The following ITGA8 variants were observed in gnomAD, a reference collection of about 807,000 sequenced individuals.
The protein encoded by ITGA8 is integrin subunit alpha 8, also known as integrin alpha-8.
A neutral mutation model predicts 142.3 loss-of-function variants in ITGA8; 91 were observed. The observed-to-expected ratio is 0.64, with a 90% CI of 0.54 to 0.76. The LOEUF (loss-of-function observed/expected upper bound fraction) is 0.76, where lower values mean the gene tolerates loss of function less well. Ranked by LOEUF, ITGA8 falls within the 30% of genes least tolerant of loss-of-function variation. The pLI is 0.00. For missense variants in ITGA8, 1,406 were observed against 1,327.7 expected, an observed-to-expected ratio of 1.06 and a Z score of -0.92; for synonymous variants, 505 against 485.2, an observed-to-expected ratio of 1.04 and a Z score of -0.54.
chr10:15,666,613 G>T (rs1834398673), intron 8 of ITGA8, among the ~76,000 whole-genome samples: 2 of 152,296 alleles, frequency 1.3e-5, no homozygotes, highest in South Asian at 4.1e-4. Flanking sequence ...CAAAGGGAAT[G>T]CTTCCAGTTT....
intron 2 of ITGA8, among the ~76,000 whole-genome samples, chr10:15,712,609 AAAAAT>A (rs1433120449): frequency 4.6e-5 from 7 of 152,158 alleles, no homozygotes; most frequent in Non-Finnish European, 8.8e-5. Flanking sequence ...TCAAAAAAAT[AAAAAT>A]AAAATAAAAA....
intron 3 of ITGA8, among the ~76,000 whole-genome samples, chr10:15,687,599 C>T (rs1052636543): frequency 2.0e-5 from 3 of 152,096 alleles, no homozygotes; most frequent in African/African-American, 4.8e-5. Flanking sequence ...GGAATAGTCC[C>T]ATTTTTCTGG....
intron 26 of ITGA8, among the ~76,000 whole-genome samples, 171 bp from the exon 27 acceptor site, chr10:15,548,739 G>A (rs776422400): frequency 4.6e-5 from 7 of 152,122 alleles, no homozygotes; most frequent in Non-Finnish European, 8.8e-5. Flanking sequence ...GTTTAATGGC[G>A]AGGATGAATG....
At position 15,519,385 on chromosome 10, in the gene ITGA8, G is replaced by T. The variant is rs775843900; in HGVS notation, c.3010C>A (p.Pro1004Thr). 1.9e-6 allele frequency: 3 copies of T among 1,613,696 alleles called. No individual in the cohort carries two copies. The East Asian group carries it at 6.7e-5, about 36-fold the overall frequency. The change falls in exon 29 of 30, where the codon CCG becomes ACG. Residue 1004 changes from proline (P) to threonine (T), a missense_variant. By Grantham distance (38) the Pro-to-Thr change is conservative. Coordinates refer to ENST00000378076, the MANE Select transcript of ITGA8 (RefSeq NM_003638.3). The stretch of plus-strand genomic sequence containing the variant: ...AATGGGATTGAGAAGGAAACATTCG[G>T]AGTTGCCCAAATAACTGATGTCTTA... ...VIKTSVIWATPNVSFSIPLWV... is the reference protein window; with the variant it reads ...VIKTSVIWATTNVSFSIPLWV...
At chr10:15,594,330 C>T (rs1375423690) in intron 21 of ITGA8, among the ~76,000 whole-genome samples, 1 of 152,056 alleles carries the variant, frequency 6.6e-6, no homozygotes, top group African/African-American at 2.4e-5. Flanking sequence ...CAGAATTGTT[C>T]TCCTTTTTAT....
intron 2 of ITGA8, among the ~76,000 whole-genome samples, chr10:15,691,610 C>T (rs192393793): frequency 4.8e-4 from 73 of 152,202 alleles, no homozygotes; most frequent in African/African-American, 1.7e-3. Context: ...ACAAAACCAC[C>T]GATATTGCAT....
chr10:15,672,634 G>A lies in ITGA8; in HGVS notation c.792C>T (p.Asp264=), dbSNP rs1217396016. The change falls in exon 7 of 30, where the codon GAC becomes GAT. Residue 264 remains aspartate (D), a synonymous_variant. Transcript: ENST00000378076. ...GGCAATGGGTCTTACCAAGGTAACT[G>A]TCATCATAGGAAGCTGGAGCCACTT... ...QTEVAPASYD[D]SYLGYSVAAG... is the part of the protein sequence containing the mutation. 1 of 1,613,238 alleles carries A rather than the reference G, an allele frequency of 6.2e-7. No individual in the cohort carries two copies. The highest frequency in any genetic ancestry group is 1.1e-5 in the South Asian group (1 of 90,900).
chr10:15,561,216 T>TATATATATAC (rs1359861679), intron 25 of ITGA8, among the ~76,000 whole-genome samples: 1 of 103,822 alleles, frequency 9.6e-6, no homozygotes, highest in African/African-American at 3.6e-5. Context: ...TGGCTATATA[T>TATATATATAC]ATATATATAT....
intron 28 of ITGA8, among the ~76,000 whole-genome samples, chr10:15,522,693 A>G (rs1269834881): frequency 6.6e-6 from 1 of 152,208 alleles, no homozygotes; most frequent in Non-Finnish European, 1.5e-5. Flanking sequence ...CAGGCAATGG[A>G]TCTTTCCTCT....
intron 12 of ITGA8, among the ~76,000 whole-genome samples, chr10:15,645,472 C>T (rs1833963759): frequency 6.6e-6 from 1 of 152,178 alleles, no homozygotes; most frequent in Admixed American, 6.5e-5. Context: ...AATAGAGCAG[C>T]TTTACAGAGT....
chr10:15,597,502 G>C (rs999507693), intron 20 of ITGA8, among the ~76,000 whole-genome samples: 1 of 152,078 alleles, frequency 6.6e-6, no homozygotes, highest in African/African-American at 2.4e-5. Context: ...AAATGTGTTG[G>C]GTAGGTAAGC....
chr10:15,527,746 A>G (rs1169265632), intron 28 of ITGA8, among the ~76,000 whole-genome samples: 1 of 152,158 alleles, frequency 6.6e-6, no homozygotes, highest in Admixed American at 6.5e-5. Flanking sequence ...CAAACTAATC[A>G]TCACACAAAA....
chr10:15,684,675 C>T (rs1262810760), intron 3 of ITGA8, among the ~76,000 whole-genome samples: 4 of 108,776 alleles, frequency 3.7e-5, no homozygotes, highest in Non-Finnish European at 5.9e-5. Context: ...ACCTAGGCCC[C>T]ATAGAAATTA....
intron 2 of ITGA8, among the ~76,000 whole-genome samples, chr10:15,696,753 G>A (rs1319257018): frequency 6.6e-6 from 1 of 150,928 alleles, no homozygotes; most frequent in Non-Finnish European, 1.5e-5. Context: ...AGCACTTTGG[G>A]AGACCAAGGC....
intron 15 of ITGA8, among the ~76,000 whole-genome samples, chr10:15,611,103 T>C (rs1266857692): frequency 6.6e-6 from 1 of 152,218 alleles, no homozygotes; most frequent in Non-Finnish European, 1.5e-5. Flanking sequence ...AGATGTATGA[T>C]ATAAAGTTAT....
intron 26 of ITGA8, among the ~76,000 whole-genome samples, chr10:15,556,016 CTCTTTTTTTT>C (rs1456110263): frequency 2.3e-4 from 22 of 94,548 alleles, no homozygotes; most frequent in African/African-American, 4.0e-4. Flanking sequence ...GTCTCTCTCT[CTCTTTTTTTT>C]TTTTTTTTTT....
chr10:15,670,401 T>C (rs884262), intron 8 of ITGA8, among the ~76,000 whole-genome samples: 87,998 of 152,016 alleles, frequency 0.58, 26,540 homozygotes, highest in South Asian at 0.75. Context: ...AGAGAGGTTG[T>C]CATAGCCTAA....
At chr10:15,645,220 C>T (rs549982948) in intron 12 of ITGA8, among the ~76,000 whole-genome samples, 121 of 151,962 alleles carry the variant, frequency 8.0e-4, no homozygotes, top group African/African-American at 2.8e-3. Context: ...TAAGTCACTG[C>T]CTTGACTCCC....
intron 2 of ITGA8, among the ~76,000 whole-genome samples, chr10:15,695,899 A>C (rs539807740): frequency 6.6e-6 from 1 of 152,326 alleles, no homozygotes; most frequent in African/African-American, 2.4e-5. Context: ...TGGACAGCAG[A>C]GATCAAGTCC....
Sources: gnomAD v4.1 joint callset for allele counts (sites outside exome capture counted in the v4.1 genomes callset) on GRCh38, gnomAD v4.1.1 for gene constraint, MANE v1.5 for transcripts, NCBI Gene and HGNC (gene_info 2026-07-23, HGNC 2026-07-21) for gene names.